CFAP77: variants seen among roughly 807,000 people sequenced by gnomAD.
CFAP77 encodes cilia- and flagella-associated protein 77.
Under a neutral mutation model 31.1 loss-of-function variants are expected in CFAP77, and 25 were observed. The ratio of observed to expected loss-of-function variants is 0.80; its 90% CI spans 0.59 to 1.12. The LOEUF is 1.12. CFAP77 is among the 50% of genes most tolerant of loss of function. The pLI, the probability that CFAP77 is intolerant of heterozygous loss-of-function variation, is 0.00. For synonymous variants in CFAP77, 151 were observed against 159.9 expected (o/e 0.94, Z 0.42); for missense variants, 377 against 397.3 (o/e 0.95, Z 0.44).
In CFAP77 at chr9:132,501,195, C is replaced by G. The variant is rs1031422360; in HGVS notation, c.524+1595C>G. Among the ~76,000 whole-genome samples the G allele has an allele frequency of 2.0e-5, 3 of 152,212 alleles. No individual in the cohort carries two copies. The highest frequency in any genetic ancestry group is 4.8e-5 in the African/African-American group (2 of 41,448). On this transcript the variant is annotated intron_variant, in intron 3 of 5. Transcript: ENST00000393216. This position sits in a 1 kb window ranked among gnomAD's most constrained non-coding sequence, Gnocchi z 4.6. Reference sequence around the variant, plus strand: ...GCATAGCAGGATCTAGGCAGTCAGGCAACATCATCAGCATCAGGTCTCTCT... The same window carrying G: ...GCATAGCAGGATCTAGGCAGTCAGGGAACATCATCAGCATCAGGTCTCTCT...
At chr9:132,477,858 G>A (rs1851377353) in intron 1 of CFAP77, among the ~76,000 whole-genome samples, 1 of 152,172 alleles carries the variant, frequency 6.6e-6, no homozygotes, top group Non-Finnish European at 1.5e-5. Flanking sequence ...CAGCATTCAC[G>A]AGGGAGGAGC....
chr9:132,566,598 G>A (rs1829886487), intron 5 of CFAP77, among the ~76,000 whole-genome samples: 1 of 152,062 alleles, frequency 6.6e-6, no homozygotes, highest in African/African-American at 2.4e-5. Flanking sequence ...CTGTTTTTTT[G>A]GTTAGGGATT....
At chr9:132,429,530 T>A (rs1402751576) in intron 1 of CFAP77, among the ~76,000 whole-genome samples, 12 of 106,630 alleles carry the variant, frequency 1.1e-4, no homozygotes, top group Non-Finnish European at 1.8e-4. Flanking sequence ...AGAACGAGAC[T>A]TCAACTCAAA....
intron 1 of CFAP77, among the ~76,000 whole-genome samples, chr9:132,415,824 C>T (rs1850086308): frequency 6.6e-6 from 1 of 152,198 alleles, no homozygotes. Context: ...GCAAACTGTT[C>T]TGTGGTCTTC....
chr9:132,500,036 C>T (rs960124675), intron 3 of CFAP77, among the ~76,000 whole-genome samples: 8 of 151,918 alleles, frequency 5.3e-5, no homozygotes, highest in African/African-American at 1.9e-4. Flanking sequence ...GCTTATAGTA[C>T]CAGTTACTTG....
rs1851784006 is a variant in CFAP77 at position 132,498,615 on chromosome 9, T to G, written c.196-80T>G. On this transcript the variant is annotated intron_variant, in intron 1 of 5. Coordinates refer to ENST00000393216, the MANE Select transcript of CFAP77 (RefSeq NM_001282957.2). This position sits in a 1 kb window ranked among gnomAD's most constrained non-coding sequence, Gnocchi z 4.2. ...GCCTGGGGGAAATGCAGGCATCTGG[T>G]GCCTCCCTGCTGCCGGATTACAATA... 10 of 1,082,416 alleles carry G rather than the reference T, an allele frequency of 9.2e-6. No homozygotes were observed. Among genetic ancestry groups the G allele is most frequent in the Non-Finnish European group, 1.4e-5 (10 of 726,610 alleles). The allele number at this position is 1,082,416 out of a possible 1,614,324, so 67.1% of individuals were successfully genotyped here.
intron 1 of CFAP77, among the ~76,000 whole-genome samples, chr9:132,462,053 G>C (rs778076523): frequency 5.5e-4 from 84 of 152,114 alleles, no homozygotes; most frequent in Non-Finnish European, 2.4e-4. Flanking sequence ...TCATTTTATG[G>C]GCGAGAAGAA....
At chr9:132,496,105 G>T (rs140057843) in intron 1 of CFAP77, among the ~76,000 whole-genome samples, 161 of 152,324 alleles carry the variant, frequency 1.1e-3, no homozygotes, top group Admixed American at 2.2e-3. Context: ...GAAAAGAAGA[G>T]TGAGGATAAA....
In CFAP77 at chr9:132,499,205, G is replaced by A. The variant is rs911191634; in HGVS notation, c.296-167G>A. ...GATCTCTGGGAGCCCTGATCCCGCC[G>A]TTTTGGGCCATCATGCTTTCTGGGG... On this transcript the variant is annotated intron_variant, in intron 2 of 5. Coordinates refer to ENST00000393216, the MANE Select transcript of CFAP77 (RefSeq NM_001282957.2). This position sits in a 1 kb window ranked among gnomAD's most constrained non-coding sequence, Gnocchi z 5.4. Among the ~76,000 whole-genome samples the A allele has an allele frequency of 3.4e-4, 52 of 152,174 alleles. No homozygotes were observed. The highest frequency in any genetic ancestry group is 3.1e-4 in the African/African-American group (13 of 41,448).
At chr9:132,451,338 TAAAAA>T (rs34713934) in intron 1 of CFAP77, among the ~76,000 whole-genome samples, 1 of 131,342 alleles carries the variant, frequency 7.6e-6, no homozygotes. Context: ...AACTCCATCT[TAAAAA>T]AAAAAAAAAA....
At chr9:132,449,894 G>A (rs1850795162) in intron 1 of CFAP77, among the ~76,000 whole-genome samples, 1 of 149,752 alleles carries the variant, frequency 6.7e-6, no homozygotes, top group Non-Finnish European at 1.5e-5. Flanking sequence ...ATGATTAAGA[G>A]TTTTTTTGTT....
rs976478576 is a variant in CFAP77, at chr9:132,554,233, C to T, written c.732+11186C>T. Among the ~76,000 whole-genome samples, 10 of 152,180 alleles carry T rather than the reference C, an allele frequency of 6.6e-5. No individual in the cohort carries two copies. Among genetic ancestry groups the T allele is most frequent in the Admixed American group, 1.3e-4 (2 of 15,278 alleles). On this transcript the variant is annotated intron_variant, in intron 5 of 5. Transcript: ENST00000393216. The surrounding 1 kb of genome is among the most constrained non-coding windows in gnomAD (Gnocchi z 4.1). Reference sequence around the variant, plus strand: ...ATGCTCGACGTGATGGAATGTGCTCCGTTTGGCTTCATGTGGCAGAAATTG... The same window carrying T: ...ATGCTCGACGTGATGGAATGTGCTCTGTTTGGCTTCATGTGGCAGAAATTG...
chr9:132,483,210 G>A (rs185563213), intron 1 of CFAP77, among the ~76,000 whole-genome samples: 433 of 152,264 alleles, frequency 2.8e-3, no homozygotes, highest in African/African-American at 0.01. Flanking sequence ...GGCAGAGGTT[G>A]CAGTGAGCCA....
intron 1 of CFAP77, among the ~76,000 whole-genome samples, chr9:132,451,196 G>A (rs146283605): frequency 0.052 from 7,940 of 152,040 alleles, 408 homozygotes; most frequent in East Asian, 0.27. Context: ...AAATTAGCCG[G>A]GCATGGTGGC....
chr9:132,435,025 A>G (rs1223798732), intron 1 of CFAP77, among the ~76,000 whole-genome samples: 1 of 152,256 alleles, frequency 6.6e-6, no homozygotes, highest in Non-Finnish European at 1.5e-5. Context: ...GCTTAGAGAA[A>G]GACCATTGTT....
chr9:132,446,566 C>T (rs759042403), intron 1 of CFAP77, among the ~76,000 whole-genome samples: 5 of 151,800 alleles, frequency 3.3e-5, no homozygotes, highest in Non-Finnish European at 5.9e-5. Context: ...TGGTGAAACC[C>T]CGTCTCTACT....
intron 1 of CFAP77, among the ~76,000 whole-genome samples, chr9:132,416,779 A>C (rs1050760528): frequency 2.0e-5 from 3 of 151,744 alleles, no homozygotes; most frequent in Non-Finnish European, 4.4e-5. Context: ...CTGGAATTAC[A>C]GGCGTACACC....
rs773917029 is a variant in CFAP77, at chr9:132,465,073, C to CAA, written c.196-33603_196-33602dup. 4.2e-3 allele frequency among the ~76,000 whole-genome samples: 345 copies of CAA among 82,716 alleles called. 4 individuals carry two copies. The highest frequency in any genetic ancestry group is 0.013 in the African/African-American group (311 of 24,646). 54.3% of individuals were successfully genotyped at this position (82,716 alleles called of 152,430 possible). A position where few individuals can be genotyped will look rare whatever the true frequency, so the allele number is the denominator to read the frequency against. ...TGGGCGACAGAGCGAGACTCTGTCT[C>CAA]AAAAAAAAAAAAAAAAAAAAGAAAA... is the stretch of plus-strand genomic sequence containing the variant. On this transcript the variant is annotated intron_variant, in intron 1 of 5. Coordinates refer to ENST00000393216, the MANE Select transcript of CFAP77 (RefSeq NM_001282957.2).
At chr9:132,435,689 G>A (rs1850494006) in intron 1 of CFAP77, among the ~76,000 whole-genome samples, 3 of 152,292 alleles carry the variant, frequency 2.0e-5, no homozygotes, top group South Asian at 4.1e-4. Context: ...CACCAACAGC[G>A]TTTGGCACTG....
Sources: allele counts gnomAD v4.1 joint callset (sites outside exome capture counted in the v4.1 genomes callset), GRCh38; gene constraint gnomAD v4.1.1; non-coding constraint Gnocchi (gnomAD v3.1); transcripts MANE v1.5; gene names NCBI Gene and HGNC (gene_info 2026-07-23, HGNC 2026-07-21).